The following SNX10 variants were observed in gnomAD, a reference collection of about 807,000 sequenced individuals.
The protein encoded by SNX10 is sorting nexin-10.
A neutral mutation model predicts 28.5 loss-of-function variants in SNX10; 25 were observed. The ratio of observed to expected loss-of-function variants is 0.88; its 90% CI spans 0.64 to 1.22. The LOEUF (loss-of-function observed/expected upper bound fraction) is 1.22. Ranked by LOEUF, SNX10 falls within the 50% of genes most tolerant of loss-of-function variation. The probability of loss-of-function intolerance (pLI) is 0.00; values close to 1 mark genes in which losing one functional copy is unlikely to be tolerated. For missense variants in SNX10, 223 were observed against 242.6 expected (o/e 0.92, Z 0.54); for synonymous variants, 62 against 81.4 (o/e 0.76, Z 1.28).
chr7:26,316,596 C>T (rs1787100660), intron 1 of SNX10, among the ~76,000 whole-genome samples: 1 of 152,144 alleles, frequency 6.6e-6, no homozygotes, highest in African/African-American at 2.4e-5. Flanking sequence ...ATGAGCCAGG[C>T]TTTAGGCCAG....
intron 2 of SNX10, chr7:26,360,698 G>C: frequency 2.0e-6 from 1 of 488,230 alleles, no homozygotes. Context: ...CAGTTTTACA[G>C]TATACTTTGT....
At chr7:26,328,037 T>C (rs1787572931) in intron 1 of SNX10, among the ~76,000 whole-genome samples, 1 of 152,290 alleles carries the variant, frequency 6.6e-6, no homozygotes, top group East Asian at 1.9e-4. Context: ...ACATTCTTTT[T>C]CTTGTTTATT....
At chr7:26,338,536 G>A (rs1788035206) in intron 1 of SNX10, among the ~76,000 whole-genome samples, 1 of 152,058 alleles carries the variant, frequency 6.6e-6, no homozygotes, top group Non-Finnish European at 1.5e-5. Flanking sequence ...CGAGTAGCTG[G>A]GACTACAGGC....
intron 1 of SNX10, among the ~76,000 whole-genome samples, chr7:26,316,983 C>T (rs1214191882): frequency 1.3e-5 from 2 of 152,124 alleles, no homozygotes; most frequent in Non-Finnish European, 2.9e-5. Flanking sequence ...CAGGCTAATG[C>T]ATATTTCCTG....
chr7:26,298,169 C>T (rs772914918), intron 1 of SNX10, among the ~76,000 whole-genome samples: 67 of 152,022 alleles, frequency 4.4e-4, no homozygotes, highest in Non-Finnish European at 5.4e-4. Flanking sequence ...TTGCATGAGC[C>T]GAGATCGTGC....
chr7:26,311,153 T>G (rs1308781814), intron 1 of SNX10, among the ~76,000 whole-genome samples: 1 of 151,786 alleles, frequency 6.6e-6, no homozygotes, highest in Non-Finnish European at 1.5e-5. Context: ...ATTAAATTCT[T>G]TTTCTTTTTA....
chr7:26,352,303 A>G (rs948486626), intron 2 of SNX10, among the ~76,000 whole-genome samples: 6 of 152,278 alleles, frequency 3.9e-5, no homozygotes, highest in African/African-American at 1.4e-4. Flanking sequence ...TGGTGCATGC[A>G]TGTAATTCCA....
intron 1 of SNX10, among the ~76,000 whole-genome samples, chr7:26,302,907 C>T (rs1786432472): frequency 6.6e-6 from 1 of 152,120 alleles, no homozygotes; most frequent in African/African-American, 2.4e-5. Flanking sequence ...CGAAATCACA[C>T]TGCATTCCAG....
intron 1 of SNX10, among the ~76,000 whole-genome samples, chr7:26,334,096 G>A (rs1259530635): frequency 1.3e-5 from 2 of 152,198 alleles, no homozygotes; most frequent in African/African-American, 2.4e-5. Flanking sequence ...AAGAACCTTG[G>A]TAGCATAAGC....
intron 1 of SNX10, among the ~76,000 whole-genome samples, chr7:26,340,815 G>A (rs1462243872): frequency 6.6e-6 from 1 of 152,188 alleles, no homozygotes. Context: ...TGTCTAGGCT[G>A]GAGTGTAGTG....
intron 1 of SNX10, among the ~76,000 whole-genome samples, chr7:26,305,128 C>T (rs532772641): frequency 3.9e-5 from 6 of 152,168 alleles, no homozygotes; most frequent in Non-Finnish European, 8.8e-5. Context: ...GTGGACTTCA[C>T]TGGAGTCCCC....
intron 1 of SNX10, among the ~76,000 whole-genome samples, chr7:26,296,579 G>A (rs577451086): frequency 6.6e-6 from 1 of 152,200 alleles, no homozygotes; most frequent in East Asian, 1.9e-4. Flanking sequence ...ACCTTTAATA[G>A]TTTAGGCCAG....
chr7:26,307,146 C>A (rs1301693090), intron 1 of SNX10, among the ~76,000 whole-genome samples: 2 of 152,174 alleles, frequency 1.3e-5, no homozygotes, highest in East Asian at 3.8e-4. Flanking sequence ...AAGAGAATTT[C>A]TCTCTCTGTT....
At chr7:26,313,295 A>AT (rs1352495794) in intron 1 of SNX10, among the ~76,000 whole-genome samples, 2 of 152,244 alleles carry the variant, frequency 1.3e-5, no homozygotes, top group Non-Finnish European at 2.9e-5. Flanking sequence ...ATAATACAGT[A>AT]TTGTTAGCCA....
At chr7:26,298,215 A>G (rs889653455) in intron 1 of SNX10, among the ~76,000 whole-genome samples, 1 of 152,172 alleles carries the variant, frequency 6.6e-6, no homozygotes, top group Non-Finnish European at 1.5e-5. Context: ...AGCAAGACTC[A>G]GTCTCAAAAA....
chr7:26,351,934 G>A (rs1788624199), intron 2 of SNX10, among the ~76,000 whole-genome samples: 1 of 152,092 alleles, frequency 6.6e-6, no homozygotes, highest in Non-Finnish European at 1.5e-5. Context: ...GGGATTACAG[G>A]TGTGAGCCAC....
In SNX10 at chr7:26,372,869, G is replaced by T; in HGVS notation, c.*297G>T. On this transcript the variant is annotated 3_prime_UTR_variant, in exon 7 of 7. Coordinates refer to ENST00000338523, the MANE Select transcript of SNX10 (RefSeq NM_013322.3). ...CTTACATGTTTTAAAAAACCGAGTTGGTTTTATTGAATTTAAAAAGATAGG... is the reference window on the plus strand; with the variant it reads ...CTTACATGTTTTAAAAAACCGAGTTTGTTTTATTGAATTTAAAAAGATAGG... 7.5e-6 allele frequency: 2 copies of T among 266,804 alleles called. No homozygotes were observed. Among genetic ancestry groups the T allele is most frequent in the Non-Finnish European group, 1.4e-5 (2 of 139,872 alleles). The allele number at this position is 266,804 out of a possible 1,614,324, so 16.5% of individuals were successfully genotyped here. A position where few individuals can be genotyped will look rare whatever the true frequency, so the allele number is the denominator to read the frequency against.
intron 3 of SNX10, among the ~76,000 whole-genome samples, chr7:26,362,756 C>T (rs184993092): frequency 2.0e-5 from 3 of 152,258 alleles, no homozygotes; most frequent in Admixed American, 2.0e-4. Context: ...AAATTAACCT[C>T]AAGGGAGATG....
intron 1 of SNX10, among the ~76,000 whole-genome samples, chr7:26,336,647 G>C (rs1204188017): frequency 1.3e-5 from 2 of 152,222 alleles, no homozygotes; most frequent in Non-Finnish European, 2.9e-5. Context: ...GGAGGTTGCA[G>C]TGAGCTGAGA....
Sources: allele counts gnomAD v4.1 joint callset (sites outside exome capture counted in the v4.1 genomes callset), GRCh38; gene constraint gnomAD v4.1.1; transcripts MANE v1.5; gene names NCBI Gene and HGNC (gene_info 2026-07-23, HGNC 2026-07-21).